Variants in UVRAG observed in about 807,000 individuals in gnomAD.
UVRAG encodes UV radiation resistance associated.
UVRAG carries 19 observed loss-of-function variants against 78.0 expected under a neutral mutation model. The ratio of observed to expected loss-of-function variants is 0.24; its 90% CI spans 0.17 to 0.36. The LOEUF (loss-of-function observed/expected upper bound fraction) is 0.36, where lower values mean the gene tolerates loss of function less well. UVRAG is among the 10% of genes least tolerant of loss of function. UVRAG has a pLI of 1.00. For synonymous variants in UVRAG, 323 were observed against 324.6 expected (o/e 1.00, Z 0.05); for missense variants, 740 against 853.8 (o/e 0.87, Z 1.66).
chr11:76,136,824 C>A (rs1952605923), intron 14 of UVRAG, among the ~76,000 whole-genome samples: 1 of 152,092 alleles, frequency 6.6e-6, no homozygotes, highest in Non-Finnish European at 1.5e-5. Flanking sequence ...AAATTAAACA[C>A]ATATATTTAA....
intron 3 of UVRAG, among the ~76,000 whole-genome samples, chr11:75,868,686 G>C (rs1345414340): frequency 1.3e-5 from 2 of 152,144 alleles, no homozygotes; most frequent in Admixed American, 1.3e-4. Context: ...AGGTCATTGG[G>C]TTAATAAGTA....
chr11:75,839,813 TTG>T (rs900792584), intron 1 of UVRAG, among the ~76,000 whole-genome samples: 56 of 132,372 alleles, frequency 4.2e-4, no homozygotes, highest in African/African-American at 1.3e-3. Context: ...GTGTGTGTTT[TTG>T]TGTGTGTGTG....
intron 8 of UVRAG, among the ~76,000 whole-genome samples, chr11:75,997,884 G>A (rs1949737415): frequency 6.6e-6 from 1 of 152,134 alleles, no homozygotes; most frequent in African/African-American, 2.4e-5. Context: ...TGTGCATTTG[G>A]AGCAGCTTTC....
chr11:76,031,094 C>T (rs962805876), intron 12 of UVRAG, among the ~76,000 whole-genome samples: 5 of 152,112 alleles, frequency 3.3e-5, no homozygotes, highest in Non-Finnish European at 7.4e-5. Flanking sequence ...ATTAGGTAAT[C>T]TGACACTCTA....
At chr11:75,898,060 G>A (rs935970106) in intron 5 of UVRAG, among the ~76,000 whole-genome samples, 4 of 151,406 alleles carry the variant, frequency 2.6e-5, no homozygotes, top group African/African-American at 9.7e-5. Context: ...TAGTAGAGAT[G>A]GGGTTTCAGC....
chr11:75,927,937 A>T lies in UVRAG; in HGVS notation c.593+15898A>T, dbSNP rs189222589. Reference sequence around the variant, plus strand: ...TGATGTGATCTGATTTCTAGTTTTTAAAAAAATACCTCTGATTAGCCAGGC... The same window carrying T: ...TGATGTGATCTGATTTCTAGTTTTTTAAAAAATACCTCTGATTAGCCAGGC... On this transcript the variant is annotated intron_variant, in intron 6 of 14. Coordinates refer to ENST00000356136, the MANE Select transcript of UVRAG (RefSeq NM_003369.4). 5.3e-3 allele frequency among the ~76,000 whole-genome samples: 808 copies of T among 152,098 alleles called. 5 individuals are homozygous for T. Among genetic ancestry groups the T allele is most frequent in the African/African-American group, 0.018 (759 of 41,498 alleles).
At chr11:75,862,624 G>C (rs942056155) in intron 3 of UVRAG, among the ~76,000 whole-genome samples, 1 of 152,184 alleles carries the variant, frequency 6.6e-6, no homozygotes, top group Non-Finnish European at 1.5e-5. Flanking sequence ...CTGTTCGCTT[G>C]ACTGAAGAGG....
At chr11:75,901,681 T>C (rs1947503427) in intron 5 of UVRAG, among the ~76,000 whole-genome samples, 1 of 152,236 alleles carries the variant, frequency 6.6e-6, no homozygotes, top group African/African-American at 2.4e-5. Flanking sequence ...CTTGACATTA[T>C]AGTCAGATTT....
At chr11:75,870,782 A>T (rs185922319) in intron 3 of UVRAG, among the ~76,000 whole-genome samples, 3 of 152,266 alleles carry the variant, frequency 2.0e-5, no homozygotes, top group East Asian at 1.9e-4. Context: ...TATTGTACAC[A>T]TCTAGTAAAT....
chr11:76,113,923 TC>T (rs1287945636), intron 13 of UVRAG, among the ~76,000 whole-genome samples: 1 of 152,150 alleles, frequency 6.6e-6, no homozygotes, highest in African/African-American at 2.4e-5. Context: ...CCCACATTTT[TC>T]TTTTTTTTGG....
At chr11:75,985,154 C>CTTTTTTTT (rs796594987) in intron 8 of UVRAG, among the ~76,000 whole-genome samples, 2 of 128,600 alleles carry the variant, frequency 1.6e-5, no homozygotes, top group African/African-American at 2.8e-5. Flanking sequence ...AATTTCTTTT[C>CTTTTTTTT]TTTTTTTTTT....
intron 3 of UVRAG, among the ~76,000 whole-genome samples, chr11:75,868,363 A>G (rs745455168): frequency 2.0e-5 from 3 of 152,342 alleles, no homozygotes; most frequent in Non-Finnish European, 2.9e-5. Context: ...TGCTAGGCAC[A>G]TAAGACAGAG....
At chr11:75,847,468 T>C (rs1470866182) in intron 1 of UVRAG, among the ~76,000 whole-genome samples, 1 of 151,378 alleles carries the variant, frequency 6.6e-6, no homozygotes. Context: ...AGGGTCTCAC[T>C]ATGTTGTTGC....
intron 1 of UVRAG, among the ~76,000 whole-genome samples, chr11:75,836,204 T>C (rs1945772273): frequency 6.6e-6 from 1 of 152,180 alleles, no homozygotes; most frequent in African/African-American, 2.4e-5. Context: ...GCATCACTTG[T>C]AGTGAAAATG....
At chr11:75,912,098 G>A (rs1357639198) in intron 6 of UVRAG, 59 bp downstream of exon 6, 26 of 1,300,780 alleles carry the variant, frequency 2.0e-5, no homozygotes, top group Non-Finnish European at 2.6e-5. Flanking sequence ...TTGAGTTTGT[G>A]ACATTTCAAT....
At chr11:76,044,279 T>C (rs969621331) in intron 12 of UVRAG, among the ~76,000 whole-genome samples, 1 of 152,178 alleles carries the variant, frequency 6.6e-6, no homozygotes. Flanking sequence ...AGAATGGGCA[T>C]TGGGGCACAA....
chr11:76,084,564 G>A (rs115988473), intron 13 of UVRAG, among the ~76,000 whole-genome samples: 2,825 of 151,790 alleles, frequency 0.019, 84 homozygotes, highest in African/African-American at 0.064. Flanking sequence ...TGTATGATCC[G>A]AGTTTTCCTG....
chr11:76,097,531 A>G (rs1396562196), intron 13 of UVRAG, among the ~76,000 whole-genome samples: 2 of 152,022 alleles, frequency 1.3e-5, no homozygotes, highest in Non-Finnish European at 2.9e-5. Flanking sequence ...GTTCCTGTAT[A>G]TTCCTCTGAT....
At chr11:75,866,357 CAATAAATA>C (rs376334935) in intron 3 of UVRAG, among the ~76,000 whole-genome samples, 3 of 148,706 alleles carry the variant, frequency 2.0e-5, no homozygotes, top group East Asian at 1.9e-4. Context: ...CCCATCTCTA[CAATAAATA>C]AATAAATAAA....
Sources: allele counts gnomAD v4.1 joint callset (sites outside exome capture counted in the v4.1 genomes callset), GRCh38; gene constraint gnomAD v4.1.1; transcripts MANE v1.5; gene names NCBI Gene and HGNC (gene_info 2026-07-23, HGNC 2026-07-21).